TOGARAM1: variants seen among roughly 807,000 people sequenced by gnomAD.
TOGARAM1 encodes TOG array regulator of axonemal microtubules 1.
A neutral mutation model predicts 166.6 loss-of-function variants in TOGARAM1; 100 were observed. The ratio of observed to expected loss-of-function variants is 0.60; its 90% CI spans 0.51 to 0.71. The LOEUF is 0.71. Ranked by LOEUF, TOGARAM1 falls within the 30% of genes least tolerant of loss-of-function variation. The pLI, the probability that TOGARAM1 is intolerant of heterozygous loss-of-function variation, is 0.00. For synonymous variants in TOGARAM1, 758 were observed against 763.8 expected, an observed-to-expected ratio of 0.99 and a Z score of 0.13; for missense variants, 2,029 against 2,102.7, an observed-to-expected ratio of 0.96 and a Z score of 0.69.
intron 7 of TOGARAM1, among the ~76,000 whole-genome samples, chr14:45,014,317 C>A (rs776094034): frequency 6.6e-6 from 1 of 152,112 alleles, no homozygotes; most frequent in Non-Finnish European, 1.5e-5. Flanking sequence ...TAGGAATCAC[C>A]CTTGAGTGCA....
chr14:44,972,513 G>T (rs1041741307), intron 1 of TOGARAM1, among the ~76,000 whole-genome samples: 1 of 151,948 alleles, frequency 6.6e-6, no homozygotes. Context: ...ATTTTTTCTT[G>T]TAATTCTATC....
intron 1 of TOGARAM1, among the ~76,000 whole-genome samples, chr14:44,994,155 G>C (rs1440866277): frequency 2.0e-5 from 3 of 152,124 alleles, no homozygotes; most frequent in Non-Finnish European, 4.4e-5. Context: ...TGCCCAGCCT[G>C]GAGTGCAGTG....
intron 16 of TOGARAM1, among the ~76,000 whole-genome samples, chr14:45,058,325 C>G (rs1158921446): frequency 1.3e-5 from 2 of 148,210 alleles, no homozygotes; most frequent in Non-Finnish European, 3.0e-5. Flanking sequence ...GACAGTGTCT[C>G]ACACAATTGC....
In TOGARAM1 at chr14:44,964,541, G is replaced by T. The variant is rs1268884512; in HGVS notation, c.2046+74G>T. The T allele has an allele frequency of 2.0e-6, 3 of 1,464,004 alleles. No individual in the cohort carries two copies. The African/African-American group carries it at 4.2e-5, about 21-fold the overall frequency. The allele number at this position is 1,464,004 out of a possible 1,614,324, so 90.7% of individuals were successfully genotyped here. A position where few individuals can be genotyped will look rare whatever the true frequency, so the allele number is the denominator to read the frequency against. On this transcript the variant is annotated intron_variant, in intron 1 of 19. Coordinates refer to ENST00000361462, the MANE Select transcript of TOGARAM1 (RefSeq NM_001308120.2). ...AAAATATGCCCGTGATGACTTAAGG[G>T]TCAGCCTGCTTGAGGGAAACATGTT... is the stretch of plus-strand genomic sequence containing the variant.
intron 1 of TOGARAM1, among the ~76,000 whole-genome samples, chr14:44,978,456 A>G (rs1231484920): frequency 6.6e-6 from 1 of 152,258 alleles, no homozygotes; most frequent in African/African-American, 2.4e-5. Flanking sequence ...TTAAAAGATA[A>G]TATAGCAAAT....
At chr14:45,017,888 A>G (rs1880250420) in intron 7 of TOGARAM1, among the ~76,000 whole-genome samples, 1 of 152,124 alleles carries the variant, frequency 6.6e-6, no homozygotes, top group African/African-American at 2.4e-5. Flanking sequence ...TCAAACAAAA[A>G]AGGAAAAAAA....
At chr14:45,012,564 A>C (rs1879870650) in intron 7 of TOGARAM1, among the ~76,000 whole-genome samples, 1 of 152,222 alleles carries the variant, frequency 6.6e-6, no homozygotes, top group Non-Finnish European at 1.5e-5. Flanking sequence ...CACTTCTCAG[A>C]AAATAGATTT....
chr14:44,984,907 G>A (rs1279572578), intron 1 of TOGARAM1, among the ~76,000 whole-genome samples: 3 of 152,064 alleles, frequency 2.0e-5, no homozygotes, highest in African/African-American at 7.3e-5. Context: ...TGTAACTTTT[G>A]TACCTAGGAA....
chr14:45,048,007 G>T (rs1882161206), intron 14 of TOGARAM1, among the ~76,000 whole-genome samples: 1 of 146,754 alleles, frequency 6.8e-6, no homozygotes, highest in South Asian at 2.2e-4. Flanking sequence ...AGTGAGCTGA[G>T]ATTGTGCCAC....
chr14:44,967,804 G>C (rs367701769), intron 1 of TOGARAM1, among the ~76,000 whole-genome samples: 1 of 152,170 alleles, frequency 6.6e-6, no homozygotes, highest in East Asian at 1.9e-4. Flanking sequence ...GGTGAATTGA[G>C]TGTTCTCTAT....
intron 4 of TOGARAM1, 112 bp from the exon 5 acceptor site, chr14:45,005,896 C>A: frequency 1.2e-6 from 1 of 855,062 alleles, no homozygotes; most frequent in Non-Finnish European, 1.7e-6. Flanking sequence ...CAGTGACCAG[C>A]TATAATGTGC....
chr14:45,045,684 C>CAT (rs1318134912), intron 13 of TOGARAM1, among the ~76,000 whole-genome samples: 1 of 87,404 alleles, frequency 1.1e-5, no homozygotes, highest in Non-Finnish European at 2.0e-5. Flanking sequence ...TATATATACA[C>CAT]ATATATACAC....
chr14:45,012,124 A>G lies in TOGARAM1; in HGVS notation c.3238+49A>G, dbSNP rs541322610. Reference sequence around the variant, plus strand: ...ATAATTTATAAAATATGATTTTCAAATGATGTAAAAAATGATAGCAAGTGC... The same window carrying G: ...ATAATTTATAAAATATGATTTTCAAGTGATGTAAAAAATGATAGCAAGTGC... On this transcript the variant is annotated intron_variant, in intron 7 of 19. Transcript: ENST00000361462. The G allele has an allele frequency of 3.9e-5, 48 of 1,233,372 alleles. No homozygotes were observed. In the South Asian group the frequency reaches 7.2e-4, roughly 18 times the overall value. 76.4% of individuals were successfully genotyped at this position (1,233,372 alleles called of 1,614,324 possible).
rs1372988905 is a variant in TOGARAM1 at position 44,964,272 on chromosome 14, C to T, written c.1851C>T (p.Asn617=). The stretch of plus-strand genomic sequence containing the variant: ...ATACGGACTGGCTTTTGGCTGGTAA[C>T]AGAACTCAGAGTGCACACTGTCACT... ...GADTDWLLAG[N]RTQSAHCHCG... is the part of the protein sequence containing the mutation. The change falls in exon 1 of 20, where the codon AAC becomes AAT. Residue 617 remains asparagine (N), a synonymous_variant. Transcript: ENST00000361462. The T allele has an allele frequency of 1.9e-6, 3 of 1,613,956 alleles. No homozygotes were observed. Among genetic ancestry groups the T allele is most frequent in the Admixed American group, 3.3e-5 (2 of 60,000 alleles).
chr14:45,035,349 AC>A (rs1881371114), intron 11 of TOGARAM1, among the ~76,000 whole-genome samples: 1 of 151,710 alleles, frequency 6.6e-6, no homozygotes, highest in South Asian at 2.1e-4. Context: ...ACAGGGTGAG[AC>A]TCTGTCTCAA....
intron 11 of TOGARAM1, among the ~76,000 whole-genome samples, 182 bp from the exon 12 acceptor site, chr14:45,043,504 G>T (rs1185522408): frequency 6.6e-6 from 1 of 152,046 alleles, no homozygotes; most frequent in Non-Finnish European, 1.5e-5. Flanking sequence ...TATGGAGATG[G>T]CTTCTTTCCC....
intron 19 of TOGARAM1, among the ~76,000 whole-genome samples, chr14:45,072,130 T>C (rs907034028): frequency 6.6e-6 from 1 of 152,214 alleles, no homozygotes; most frequent in African/African-American, 2.4e-5. Context: ...AAGTTAGCAG[T>C]TGGCAGGTGG....
In TOGARAM1 at chr14:44,964,361, G is replaced by A. The variant is rs759654991; in HGVS notation, c.1940G>A (p.Arg647Gln). 6.2e-7 allele frequency: 1 copy of A among 1,614,188 alleles called. No individual in the cohort carries two copies. Among genetic ancestry groups the A allele is most frequent in the Non-Finnish European group, 8.5e-7 (1 of 1,180,014 alleles). ...TCTTACAGCCCAACTATCTGTACCCGAAGGGTATTAAGTGCAGGAAAAGGA... is the reference window on the plus strand; with the variant it reads ...TCTTACAGCCCAACTATCTGTACCCAAAGGGTATTAAGTGCAGGAAAAGGA... ...YGSYSPTICT[R>Q]RVLSAGKGKN... Residue 647 changes from arginine to glutamine, a missense_variant, in exon 1 of 20, where the codon CGA (arginine) becomes CAA (glutamine). Physicochemically the swap from Arg to Gln is conservative, Grantham distance 43 (BLOSUM62 1). This residue lies in a region of TOGARAM1 where 1,453 missense variants were observed against 1,432.2 expected (regional missense o/e 1.01). Transcript: ENST00000361462.
chr14:45,029,912 C>T (rs1466155189), intron 10 of TOGARAM1, among the ~76,000 whole-genome samples: 1 of 152,174 alleles, frequency 6.6e-6, no homozygotes. Flanking sequence ...ACCTCCACCT[C>T]TTCGGTTCAA....
Sources: gnomAD v4.1 joint callset for allele counts (sites outside exome capture counted in the v4.1 genomes callset) on GRCh38, gnomAD v4.1.1 for gene constraint, gnomAD v4.1.1 regional missense constraint, MANE v1.5 for transcripts, NCBI Gene and HGNC (gene_info 2026-07-23, HGNC 2026-07-21) for gene names.